MAST4: variants seen among roughly 807,000 people sequenced by gnomAD.
MAST4 encodes microtubule associated serine/threonine kinase family member 4, also known as microtubule-associated serine/threonine-protein kinase 4.
A neutral mutation model predicts 162.7 loss-of-function variants in MAST4; 89 were observed. That is an observed-to-expected ratio of 0.55 (90% CI 0.46 to 0.65). MAST4 has a LOEUF of 0.65. MAST4 is among the 30% of genes least tolerant of loss of function. The pLI, the probability that MAST4 is intolerant of heterozygous loss-of-function variation, is 0.00. For synonymous variants in MAST4, 1,479 were observed against 1,361.1 expected (o/e 1.09, Z -1.91); for missense variants, 3,153 against 3,374.0 (o/e 0.93, Z 1.62).
intron 1 of MAST4, among the ~76,000 whole-genome samples, chr5:66,647,861 AT>A (rs1745945056): frequency 1.3e-5 from 2 of 152,074 alleles, no homozygotes; most frequent in Non-Finnish European, 2.9e-5. Context: ...AAATATCTGG[AT>A]TTTTTAGTTG....
At chr5:66,822,930 G>A (rs895117149) in intron 3 of MAST4, among the ~76,000 whole-genome samples, 4 of 152,150 alleles carry the variant, frequency 2.6e-5, no homozygotes, top group Non-Finnish European at 4.4e-5. Context: ...ATATGGTTTG[G>A]CTTGGTGTCC....
At chr5:67,078,674 T>TAG (rs1354661620) in intron 5 of MAST4, among the ~76,000 whole-genome samples, 31 of 130,480 alleles carry the variant, frequency 2.4e-4, no homozygotes, top group African/African-American at 9.5e-4. Context: ...TATATTTATA[T>TAG]TATATTTATT....
Position 66,853,619 on chromosome 5 carries a change from G to A in MAST4, c.643-46332G>A, listed in dbSNP as rs181274691. 3.0e-3 allele frequency among the ~76,000 whole-genome samples: 457 copies of A among 152,302 alleles called. 2 individuals are homozygous for A. In the Middle Eastern group the frequency reaches 0.041, roughly 14 times the overall value. On this transcript the variant is annotated intron_variant, in intron 3 of 28. Transcript: ENST00000403625. Reference sequence around the variant, plus strand: ...AGAAGTTACTAAGTCTCATCAGAAAGAGGAGAATGTAGACTTCAAAATAGT... The same window carrying A: ...AGAAGTTACTAAGTCTCATCAGAAAAAGGAGAATGTAGACTTCAAAATAGT...
At chr5:66,992,328 G>A (rs1277888698) in intron 4 of MAST4, among the ~76,000 whole-genome samples, 1 of 152,130 alleles carries the variant, frequency 6.6e-6, no homozygotes, top group Non-Finnish European at 1.5e-5. Context: ...AAGAACTGAT[G>A]TCCTTTTCAG....
intron 26 of MAST4, among the ~76,000 whole-genome samples, chr5:67,156,588 T>C (rs986042924): frequency 1.3e-5 from 2 of 152,222 alleles, no homozygotes; most frequent in Non-Finnish European, 2.9e-5. Context: ...GGCAATTCAG[T>C]ATATAGTCAG....
intron 1 of MAST4, among the ~76,000 whole-genome samples, chr5:66,743,195 C>G (rs73765327): frequency 0.04 from 6,046 of 152,276 alleles, 188 homozygotes; most frequent in South Asian, 0.13. Flanking sequence ...TTCTTCACAG[C>G]CTTTTCTTCT....
chr5:66,667,195 A>G (rs1747314923), intron 1 of MAST4, among the ~76,000 whole-genome samples: 1 of 152,198 alleles, frequency 6.6e-6, no homozygotes, highest in Non-Finnish European at 1.5e-5. Context: ...GCTTTAGACC[A>G]TGAGTTATAT....
rs1443975621 is a variant in MAST4, at chr5:67,152,622, G to T, written c.3296-15G>T. On this transcript the variant is annotated splice_polypyrimidine_tract_variant and intron_variant, in intron 24 of 28. Coordinates refer to ENST00000403625, the MANE Select transcript of MAST4 (RefSeq NM_001164664.2). ...TGAGCCACATGGGCTTTGATGACTG[G>T]CTTCTTTGTTACAGATATGTTTGCT... 1.9e-6 allele frequency: 3 copies of T among 1,609,834 alleles called. No homozygotes were observed. The highest frequency in any genetic ancestry group is 1.7e-5 in the Admixed American group (1 of 59,972).
chr5:67,018,208 C>G (rs1216273319), intron 4 of MAST4, among the ~76,000 whole-genome samples: 1 of 152,080 alleles, frequency 6.6e-6, no homozygotes, highest in Admixed American at 6.5e-5. Flanking sequence ...GAAAGATAAG[C>G]AAACTAAATT....
intron 4 of MAST4, among the ~76,000 whole-genome samples, chr5:66,981,794 G>A (rs1226890777): frequency 2.6e-5 from 4 of 152,146 alleles, no homozygotes; most frequent in African/African-American, 4.8e-5. Flanking sequence ...CTGTAAAGTA[G>A]TATTGCTTCT....
chr5:66,924,552 T>TCCACCACCGCGC (rs1764754309), intron 4 of MAST4, among the ~76,000 whole-genome samples: 3 of 151,950 alleles, frequency 2.0e-5, no homozygotes, highest in Admixed American at 2.0e-4. Context: ...CGCCACCGCG[T>TCCACCACCGCGC]CCACCACCGC....
chr5:66,662,650 C>T (rs1291130049), intron 1 of MAST4: 1 of 151,974 alleles, frequency 6.6e-6, no homozygotes, highest in Non-Finnish European at 1.5e-5. Context: ...GGGAAGCATG[C>T]CGGATGCCTT....
chr5:67,066,619 CT>C (rs950436966), intron 5 of MAST4, among the ~76,000 whole-genome samples: 28 of 151,828 alleles, frequency 1.8e-4, no homozygotes, highest in African/African-American at 6.8e-4. Flanking sequence ...CTGCCTCCCC[CT>C]AATGGACATT....
Position 67,152,851 on chromosome 5 carries a change from G to A in MAST4, c.3510G>A (p.Val1170=). ...TGGGAGACAGTGACATCTATACAGTGCACCATATCGTCTGGGTAAGACCTG... is the reference window on the plus strand; with the variant it reads ...TGGGAGACAGTGACATCTATACAGTACACCATATCGTCTGGGTAAGACCTG... ...VYVGDSDIYT[V]HHIVWNVEEG... is the part of the protein sequence containing the mutation. Residue 1170 remains valine, a synonymous_variant, in exon 25 of 29, where the codon GTG becomes GTA. Transcript: ENST00000403625. 1 of 1,613,812 alleles carries A rather than the reference G, an allele frequency of 6.2e-7. No individual in the cohort carries two copies.
At chr5:66,935,069 C>A (rs1021865265) in intron 4 of MAST4, among the ~76,000 whole-genome samples, 8 of 152,088 alleles carry the variant, frequency 5.3e-5, no homozygotes, top group African/African-American at 1.9e-4. Flanking sequence ...GGAAATAGGA[C>A]CAATCTGAGG....
At chr5:66,907,203 GA>G (rs1241623190) in intron 4 of MAST4, among the ~76,000 whole-genome samples, 2 of 96,278 alleles carry the variant, frequency 2.1e-5, no homozygotes, top group East Asian at 5.1e-4. Flanking sequence ...GAGAGAGAGA[GA>G]GAGTCCTGCT....
At chr5:66,648,691 C>G (rs923516067) in intron 1 of MAST4, among the ~76,000 whole-genome samples, 1 of 152,024 alleles carries the variant, frequency 6.6e-6, no homozygotes, top group South Asian at 2.1e-4. Context: ...TAAATGAAAG[C>G]CTTGTCAAAT....
rs192894764 is a variant in MAST4, at chr5:66,945,282, G to T, written c.674+45300G>T. 2.3e-3 allele frequency among the ~76,000 whole-genome samples: 351 copies of T among 152,154 alleles called. 2 individuals are homozygous for T. The highest frequency in any genetic ancestry group is 8.0e-3 in the African/African-American group (334 of 41,514). On this transcript the variant is annotated intron_variant, in intron 4 of 28. Coordinates refer to ENST00000403625, the MANE Select transcript of MAST4 (RefSeq NM_001164664.2). ...AAAAGCTCCAGTTGAGTGAGAGTCT[G>T]GTTTTTAGTTGGTTTTTCCTAAGCA...
chr5:66,761,920 C>T (rs1436058690), intron 2 of MAST4, among the ~76,000 whole-genome samples: 1 of 152,094 alleles, frequency 6.6e-6, no homozygotes, highest in Non-Finnish European at 1.5e-5. Flanking sequence ...AAGACTCATC[C>T]TTTTATTTAT....
Sources: allele counts gnomAD v4.1 joint callset (sites outside exome capture counted in the v4.1 genomes callset), GRCh38; gene constraint gnomAD v4.1.1; transcripts MANE v1.5; gene names NCBI Gene and HGNC (gene_info 2026-07-23, HGNC 2026-07-21).